Variants in THEMIS2 observed in about 807,000 individuals in gnomAD.
THEMIS2 encodes protein THEMIS2.
In THEMIS2, 29 loss-of-function variants were observed where a neutral mutation model predicts 46.8. That is an observed-to-expected ratio of 0.62 (90% CI 0.46 to 0.84). THEMIS2 has a LOEUF of 0.84. Ranked by LOEUF, THEMIS2 falls within the 40% of genes least tolerant of loss-of-function variation. The pLI is 0.00. For synonymous variants in THEMIS2, 335 were observed against 349.1 expected, an observed-to-expected ratio of 0.96 and a Z score of 0.45; for missense variants, 698 against 834.7, an observed-to-expected ratio of 0.84 and a Z score of 2.02.
intron 4 of THEMIS2, 112 bp from the exon 5 acceptor site, chr1:27,885,183 G>C: frequency 5.2e-6 from 6 of 1,162,280 alleles, no homozygotes; most frequent in South Asian, 1.5e-5. Flanking sequence ...AGCCTGAAAA[G>C]GAAGTAGAGA....
At position 27,872,599 on chromosome 1, in the gene THEMIS2, G is replaced by C. The variant is rs1300261637; in HGVS notation, c.28G>C (p.Val10Leu). ...GGAGCCGGTGCCGCTGCAGGACTTC[G>C]TGCGCGCCTTGGACCCCGCCTCCCT... MEPVPLQDF[V>L]RALDPASLPR... The change falls in exon 1 of 6, where the codon GTG becomes CTG. Residue 10 changes from valine (V) to leucine (L), a missense_variant. Coordinates refer to ENST00000373921, the MANE Select transcript of THEMIS2 (RefSeq NM_001105556.3). The surrounding 1 kb of genome is among the most constrained non-coding windows in gnomAD (Gnocchi z 4.9). 35 of 1,488,658 alleles carry C rather than the reference G, an allele frequency of 2.4e-5. No individual in the cohort carries two copies. The highest frequency in any genetic ancestry group is 3.0e-5 in the Non-Finnish European group (34 of 1,120,950). 92.2% of individuals were successfully genotyped at this position (1,488,658 alleles called of 1,614,324 possible).
At position 27,872,672 on chromosome 1, in the gene THEMIS2, G is replaced by C. The variant is rs937412395; in HGVS notation, c.94+7G>C. The C allele has an allele frequency of 3.7e-6, 5 of 1,366,544 alleles. No homozygotes were observed. Among genetic ancestry groups the C allele is most frequent in the Non-Finnish European group, 3.8e-6 (4 of 1,054,216 alleles). The allele number at this position is 1,366,544 out of a possible 1,614,324, so 84.7% of individuals were successfully genotyped here. On this transcript the variant is annotated splice_region_variant and intron_variant, in intron 1 of 5. Coordinates refer to ENST00000373921, the MANE Select transcript of THEMIS2 (RefSeq NM_001105556.3). This position sits in a 1 kb window ranked among gnomAD's most constrained non-coding sequence, Gnocchi z 4.9. Reference sequence around the variant, plus strand: ...TCGGGGGTCTACTTCGAGGGTGAGCGGGGGCTGGAACCCCTCCGAGCACTC... The same window carrying C: ...TCGGGGGTCTACTTCGAGGGTGAGCCGGGGCTGGAACCCCTCCGAGCACTC...
At position 27,872,562 on chromosome 1, in the gene THEMIS2, C is replaced by T. The variant is rs572011445; in HGVS notation, c.-10C>T. ...GCCCCTCAGTCTGAGCCCAGAGAGC[C>T]GCGGGGACCATGGAGCCGGTGCCGC... is the stretch of plus-strand genomic sequence containing the variant. On this transcript the variant is annotated 5_prime_UTR_variant, in exon 1 of 6. Transcript: ENST00000373921. This position sits in a 1 kb window ranked among gnomAD's most constrained non-coding sequence, Gnocchi z 4.9. The T allele has an allele frequency of 3.4e-6, 5 of 1,486,266 alleles. No individual in the cohort carries two copies. The highest frequency in any genetic ancestry group is 2.2e-5 in the Admixed American group (1 of 45,218). 92.1% of individuals were successfully genotyped at this position (1,486,266 alleles called of 1,614,324 possible).
intron 1 of THEMIS2, among the ~76,000 whole-genome samples, chr1:27,875,133 C>T (rs1230768188): frequency 6.6e-6 from 1 of 152,164 alleles, no homozygotes; most frequent in Non-Finnish European, 1.5e-5. Flanking sequence ...TGCCAACCTC[C>T]ACACTGGGCT....
chr1:27,879,400 G>T (rs1022674676), intron 2 of THEMIS2, among the ~76,000 whole-genome samples: 3 of 152,062 alleles, frequency 2.0e-5, no homozygotes, highest in Non-Finnish European at 2.9e-5. Flanking sequence ...TGTGTCTCTG[G>T]TGACAAGTCT....
In THEMIS2 at chr1:27,881,031, C is replaced by T. The variant is rs529757336; in HGVS notation, c.647-940C>T. Among the ~76,000 whole-genome samples the T allele has an allele frequency of 7.9e-5, 12 of 151,674 alleles. No individual in the cohort carries two copies. In the South Asian group the frequency reaches 8.3e-4, roughly 11 times the overall value. The stretch of plus-strand genomic sequence containing the variant: ...CTGACCTCAGGTGATCTGCCCACCT[C>T]GGCCTCCCAGAGTGCTGGGATTACA... On this transcript the variant is annotated intron_variant, in intron 3 of 5. Transcript: ENST00000373921.
At chr1:27,880,204 C>CT (rs916757500) in intron 3 of THEMIS2, 150 bp downstream of exon 3, 1,169 of 932,496 alleles carry the variant, frequency 1.3e-3, no homozygotes, top group South Asian at 1.3e-3. Flanking sequence ...TGAAGTTATT[C>CT]TTTTTTTTTG....
intron 3 of THEMIS2, among the ~76,000 whole-genome samples, chr1:27,881,646 G>C (rs2089680315): frequency 6.6e-6 from 1 of 151,600 alleles, no homozygotes; most frequent in Non-Finnish European, 1.5e-5. Context: ...TGGCCAACAT[G>C]GTGAAACCCC....
At position 27,882,709 on chromosome 1, in the gene THEMIS2, C is replaced by T. The variant is rs754441582; in HGVS notation, c.1385C>T (p.Thr462Ile). 8.7e-6 allele frequency: 14 copies of T among 1,613,998 alleles called. No homozygotes were observed. The East Asian group carries it at 3.1e-4, about 36-fold the overall frequency. The part of the protein sequence containing the change: ...PCEVKVVAKD[T>I]SHPTDPLTSF... ...GAGGTCAAGGTGGTGGCCAAGGACA[C>T]CAGCCACCCCACTGACCCTCTGACC... Residue 462 changes from threonine to isoleucine, a missense_variant, in exon 4 of 6, where the codon ACC (threonine) becomes ATC (isoleucine). Coordinates refer to ENST00000373921, the MANE Select transcript of THEMIS2 (RefSeq NM_001105556.3). This position sits in a 1 kb window ranked among gnomAD's most constrained non-coding sequence, Gnocchi z 7.6.
Position 27,885,895 on chromosome 1 carries a change from A to C in THEMIS2, c.1905A>C (p.Ile635=). 6.2e-7 allele frequency: 1 copy of C among 1,614,110 alleles called. No individual in the cohort carries two copies. The highest frequency in any genetic ancestry group is 1.7e-5 in the Admixed American group (1 of 60,026). ...LDDDEHDYEE[I]LEQFQKTI The stretch of plus-strand genomic sequence containing the variant: ...ATGATGAACATGATTATGAAGAAAT[A>C]CTTGAGCAATTTCAGAAAACCATCT... The change falls in exon 6 of 6, where the codon ATA becomes ATC. Residue 635 remains isoleucine (I), a synonymous_variant. Transcript: ENST00000373921.
rs1368882282 is a variant in THEMIS2 at position 27,872,783 on chromosome 1, A to C, written c.94+118A>C. Reference sequence around the variant, plus strand: ...CCTGGGTTCAAATCCCGACACTGCCACTGGCCAAGCTGTGTGATTTGGGGC... The same window carrying C: ...CCTGGGTTCAAATCCCGACACTGCCCCTGGCCAAGCTGTGTGATTTGGGGC... On this transcript the variant is annotated intron_variant, in intron 1 of 5. Transcript: ENST00000373921. The surrounding 1 kb of genome is among the most constrained non-coding windows in gnomAD (Gnocchi z 4.9). The C allele has an allele frequency of 8.5e-6, 7 of 819,098 alleles. No homozygotes were observed. Among genetic ancestry groups the C allele is most frequent in the Non-Finnish European group, 8.3e-6 (5 of 602,198 alleles). 50.7% of individuals were successfully genotyped at this position (819,098 alleles called of 1,614,324 possible).
In THEMIS2 at chr1:27,879,955, C is replaced by G. The variant is rs201674442; in HGVS notation, c.547C>G (p.Gln183Glu). 6 of 1,612,490 alleles carry G rather than the reference C, an allele frequency of 3.7e-6. No individual in the cohort carries two copies. The change falls in exon 3 of 6, where the codon CAG becomes GAG. Residue 183 changes from glutamine to glutamate, a missense_variant. Transcript: ENST00000373921. The stretch of plus-strand genomic sequence containing the variant: ...CCCTCGAACTCTGCTCCAGGTCCTA[C>G]AGGATCCAGCCCTGAAAGACCTCGT... Reference protein sequence around the residue: ...SAPRTLLQVLQDPALKDLVLT... With the variant: ...SAPRTLLQVLEDPALKDLVLT...
intron 1 of THEMIS2, among the ~76,000 whole-genome samples, chr1:27,874,037 T>G (rs987274802): frequency 6.0e-5 from 8 of 132,620 alleles, no homozygotes; most frequent in Non-Finnish European, 1.1e-4. Context: ...ACCTAGGTTT[T>G]TTTTTTTTTT....
chr1:27,873,538 C>T (rs899200542), intron 1 of THEMIS2, among the ~76,000 whole-genome samples: 1 of 152,100 alleles, frequency 6.6e-6, no homozygotes, highest in African/African-American at 2.4e-5. Flanking sequence ...GAAAAACGCT[C>T]TGTCGCAGCA....
intron 3 of THEMIS2, 87 bp downstream of exon 3, chr1:27,880,141 AC>A: frequency 7.1e-7 from 1 of 1,400,444 alleles, no homozygotes; most frequent in Non-Finnish European, 9.6e-7. Flanking sequence ...AGACACCCCC[AC>A]CCCATCCCTG....
rs2089691064 is a variant in THEMIS2, at chr1:27,882,137, C to T, written c.813C>T (p.Gly271=). The part of the protein sequence containing the change: ...LSMEILEVPE[G]RPIFLSPWVG... ...TGGAGATCCTGGAGGTTCCTGAGGG[C>T]CGCCCCATCTTCCTCAGCCCGTGGG... The change falls in exon 4 of 6, where the codon GGC becomes GGT. Residue 271 remains glycine (G), a synonymous_variant. Transcript: ENST00000373921. This position sits in a 1 kb window ranked among gnomAD's most constrained non-coding sequence, Gnocchi z 7.6. 1.9e-6 allele frequency: 3 copies of T among 1,614,086 alleles called. No individual in the cohort carries two copies. The Admixed American group carries it at 5.0e-5, about 27-fold the overall frequency.
Position 27,883,032 on chromosome 1 carries a change from G to A in THEMIS2, c.1708G>A (p.Gly570Arg). The change falls in exon 4 of 6, where the codon GGA becomes AGA. Residue 570 changes from glycine to arginine, a missense_variant. Physicochemically the swap from Gly to Arg is moderately radical, Grantham distance 125. Transcript: ENST00000373921. Reference protein sequence around the residue: ...LSKQRRHSSEGGVKSSQVLGL... With the variant: ...LSKQRRHSSERGVKSSQVLGL... ...CAAGCAGAGGAGACACAGCAGTGAG[G>A]GAGGCGTCAAGGTACTAGTATAATC... 1 of 1,613,134 alleles carries A rather than the reference G, an allele frequency of 6.2e-7. No individual in the cohort carries two copies.
chr1:27,875,711 T>C (rs528142446), intron 1 of THEMIS2, among the ~76,000 whole-genome samples: 1 of 152,084 alleles, frequency 6.6e-6, no homozygotes, highest in Non-Finnish European at 1.5e-5. Context: ...ATTTATTATT[T>C]TTTTTTTGAG....
intron 1 of THEMIS2, among the ~76,000 whole-genome samples, chr1:27,874,760 C>T (rs1438823420): frequency 6.6e-6 from 1 of 152,084 alleles, no homozygotes; most frequent in East Asian, 1.9e-4. Context: ...CCAGTCTGGG[C>T]GACAGTGAGA....
Sources: gnomAD v4.1 joint callset for allele counts (sites outside exome capture counted in the v4.1 genomes callset) on GRCh38, gnomAD v4.1.1 for gene constraint, Gnocchi (gnomAD v3.1) non-coding constraint, MANE v1.5 for transcripts, NCBI Gene and HGNC (gene_info 2026-07-23, HGNC 2026-07-21) for gene names.